Variants in PLEKHM1 observed in about 807,000 individuals in gnomAD.
PLEKHM1 encodes pleckstrin homology domain-containing family M member 1.
In PLEKHM1, 28 loss-of-function variants were observed where a neutral mutation model predicts 94.3. That is an observed-to-expected ratio of 0.30 (90% CI 0.22 to 0.41). The LOEUF (loss-of-function observed/expected upper bound fraction) is 0.41, where lower values mean the gene tolerates loss of function less well. PLEKHM1 is among the 10% of genes least tolerant of loss of function. The pLI, the probability that PLEKHM1 is intolerant of heterozygous loss-of-function variation, is 1.00. For missense variants in PLEKHM1, 907 were observed against 1,358.6 expected (o/e 0.67, Z 5.22); for synonymous variants, 424 against 581.2 (o/e 0.73, Z 3.89).
In PLEKHM1 at chr17:45,468,400, C is replaced by T. The variant is rs752861593; in HGVS notation, c.1117G>A (p.Val373Met). The change falls in exon 5 of 12, where the codon GTG becomes ATG. Residue 373 changes from valine (V) to methionine (M), a missense_variant. By Grantham distance (21) the Val-to-Met change is conservative. Around this residue, in one of 3 missense-constraint regions of PLEKHM1, gnomAD observed 477 missense variants for 601.5 expected, o/e 0.79. Transcript: ENST00000430334. ...AASGTQDGVH[V>M]QEPRPQAPSP... Reference sequence around the variant, plus strand: ...GGCGCCTGGGGACGCGGCTCCTGCACGTGGACACCATCTTGAGTTCCAGAG... The same window carrying T: ...GGCGCCTGGGGACGCGGCTCCTGCATGTGGACACCATCTTGAGTTCCAGAG... The T allele has an allele frequency of 3.0e-5, 48 of 1,614,084 alleles. No homozygotes were observed. The highest frequency in any genetic ancestry group is 3.7e-5 in the Non-Finnish European group (44 of 1,180,032).
At chr17:45,487,643 C>G in intron 1 of PLEKHM1, 9 of 453,304 alleles carry the variant, frequency 2.0e-5, no homozygotes, top group South Asian at 1.4e-4. Context: ...CTGCATTATA[C>G]TGCCTGGCCT....
In PLEKHM1 at chr17:45,437,697, G is replaced by C. The variant is rs1406527602; in HGVS notation, c.*161C>G. ...CAGGGGACACCACGGGGACTTCCTG[G>C]GCTTTCTCTGGGAGGCCGGTGCTCT... is the stretch of plus-strand genomic sequence containing the variant. On this transcript the variant is annotated 3_prime_UTR_variant, in exon 12 of 12. Coordinates refer to ENST00000430334, the MANE Select transcript of PLEKHM1 (RefSeq NM_014798.3). This position sits in a 1 kb window ranked among gnomAD's most constrained non-coding sequence, Gnocchi z 4.0. 7.0e-6 allele frequency: 5 copies of C among 712,922 alleles called. No individual in the cohort carries two copies. The highest frequency in any genetic ancestry group is 1.3e-5 in the Non-Finnish European group (5 of 394,870). The allele number at this position is 712,922 out of a possible 1,614,324, so 44.2% of individuals were successfully genotyped here. A position where few individuals can be genotyped will look rare whatever the true frequency, so the allele number is the denominator to read the frequency against.
At chr17:45,489,830 C>T (rs773953449) in intron 1 of PLEKHM1, among the ~76,000 whole-genome samples, 1 of 152,064 alleles carries the variant, frequency 6.6e-6, no homozygotes, top group Non-Finnish European at 1.5e-5. Flanking sequence ...AAGCAATGGA[C>T]GCAGAGTTGG....
At chr17:45,481,442 T>C (rs1161364115) in intron 2 of PLEKHM1, among the ~76,000 whole-genome samples, 3 of 150,848 alleles carry the variant, frequency 2.0e-5, no homozygotes, top group Non-Finnish European at 4.4e-5. Context: ...AAAAGCAAGA[T>C]GTTATTTGTA....
At chr17:45,440,308 C>A in intron 9 of PLEKHM1, 82 bp from the exon 10 acceptor site, 2 of 1,365,776 alleles carry the variant, frequency 1.5e-6, no homozygotes, top group East Asian at 2.3e-5. Flanking sequence ...ACTCCCCTGG[C>A]GCTGCTCACC....
At chr17:45,487,411 G>A (rs946837898) in intron 1 of PLEKHM1, among the ~76,000 whole-genome samples, 76 of 152,164 alleles carry the variant, frequency 5.0e-4, no homozygotes, top group African/African-American at 1.8e-3. Flanking sequence ...AAGGCCTCAG[G>A]TCTTTGGCTC....
At chr17:45,451,900 G>C (rs566081256) in intron 7 of PLEKHM1, among the ~76,000 whole-genome samples, 2 of 152,236 alleles carry the variant, frequency 1.3e-5, no homozygotes, top group East Asian at 1.9e-4. Context: ...TGGGGCAGGC[G>C]GGGGAGAGGT....
chr17:45,438,023 T>C (rs1364099858), intron 11 of PLEKHM1, 54 bp from the exon 12 acceptor site: 6 of 1,319,302 alleles, frequency 4.5e-6, no homozygotes, highest in East Asian at 2.3e-5. Context: ...GGTTGCCCTG[T>C]GGCCACGCTG....
intron 9 of PLEKHM1, among the ~76,000 whole-genome samples, chr17:45,443,444 C>A (rs905134092): frequency 6.6e-6 from 1 of 152,240 alleles, no homozygotes; most frequent in African/African-American, 2.4e-5. Flanking sequence ...CTTTCCCCTG[C>A]CCCATGCTGT....
chr17:45,486,829 G>A (rs1194371804), intron 1 of PLEKHM1, among the ~76,000 whole-genome samples: 1 of 152,168 alleles, frequency 6.6e-6, no homozygotes, highest in African/African-American at 2.4e-5. Flanking sequence ...CATGCTCAGG[G>A]AGGCAGGGCT....
intron 1 of PLEKHM1, 125 bp downstream of exon 1, chr17:45,490,527 G>T (rs916996375): frequency 3.8e-5 from 14 of 371,480 alleles, no homozygotes; most frequent in South Asian, 2.0e-4. Context: ...GGGCCCTGAA[G>T]CCGGGCAGTC....
chr17:45,440,079 A>T, intron 10 of PLEKHM1, 84 bp downstream of exon 10: 1 of 1,265,082 alleles, frequency 7.9e-7, no homozygotes, highest in Non-Finnish European at 1.2e-6. Context: ...AACTACAGAC[A>T]CCCCCTCTTC....
chr17:45,486,528 T>C (rs62065442), intron 1 of PLEKHM1, among the ~76,000 whole-genome samples: 20,435 of 151,464 alleles, frequency 0.13, 1,661 homozygotes, highest in Middle Eastern at 0.21. Flanking sequence ...GAGCCAAGAT[T>C]GTGCCACTGC....
In PLEKHM1 at chr17:45,453,997, G is replaced by A. The variant is rs2050863782; in HGVS notation, c.1855C>T (p.Arg619Trp). The change falls in exon 7 of 12, where the codon CGG becomes TGG. Residue 619 changes from arginine (R) to tryptophan (W), a missense_variant. Around this residue, in one of 3 missense-constraint regions of PLEKHM1, gnomAD observed 477 missense variants for 601.5 expected, o/e 0.79. Coordinates refer to ENST00000430334, the MANE Select transcript of PLEKHM1 (RefSeq NM_014798.3). The surrounding 1 kb of genome is among the most constrained non-coding windows in gnomAD (Gnocchi z 4.1). ...SQDEAEDWLDRVREALQKVRP... is the reference protein window; with the variant it reads ...SQDEAEDWLDWVREALQKVRP... ...ACCTTCTGCAGGGCCTCCCGCACCC[G>A]GTCCAGCCAGTCCTCAGCTTCGTCC... is the stretch of plus-strand genomic sequence containing the variant. 6.8e-6 allele frequency: 11 copies of A among 1,614,030 alleles called. No homozygotes were observed. Among genetic ancestry groups the A allele is most frequent in the South Asian group, 2.2e-5 (2 of 91,088 alleles).
In PLEKHM1 at chr17:45,468,681, G is replaced by A. The variant is rs965731809; in HGVS notation, c.924-88C>T. 9 of 1,335,792 alleles carry A rather than the reference G, an allele frequency of 6.7e-6. No homozygotes were observed. The Admixed American group carries it at 8.5e-5, about 13-fold the overall frequency. The allele number at this position is 1,335,792 out of a possible 1,614,324, so 82.7% of individuals were successfully genotyped here. A position where few individuals can be genotyped will look rare whatever the true frequency, so the allele number is the denominator to read the frequency against. ...GGGGCAGAGGGAAGAATGCAAAACT[G>A]CTGTTTTATGATTTAAAACAACCCA... On this transcript the variant is annotated intron_variant, in intron 4 of 11. Coordinates refer to ENST00000430334, the MANE Select transcript of PLEKHM1 (RefSeq NM_014798.3).
Position 45,453,320 on chromosome 17 carries a change from G to A in PLEKHM1, c.2497+35C>T, listed in dbSNP as rs1323125200. The A allele has an allele frequency of 6.2e-7, 1 of 1,600,142 alleles. No individual in the cohort carries two copies. The highest frequency in any genetic ancestry group is 2.3e-5 in the East Asian group (1 of 43,760). On this transcript the variant is annotated intron_variant, in intron 7 of 11. Transcript: ENST00000430334. This position sits in a 1 kb window ranked among gnomAD's most constrained non-coding sequence, Gnocchi z 4.1. ...AACCAGCAGGAGGTGGAGTGAGGCTGGCAGGCTGGGGGTGGCAGCAGAGCA... is the reference window on the plus strand; with the variant it reads ...AACCAGCAGGAGGTGGAGTGAGGCTAGCAGGCTGGGGGTGGCAGCAGAGCA...
chr17:45,471,056 C>CTGTATA (rs2051494024), intron 4 of PLEKHM1, among the ~76,000 whole-genome samples: 1 of 151,960 alleles, frequency 6.6e-6, no homozygotes. Context: ...ACAGAAGGGC[C>CTGTATA]TATTATCCAG....
chr17:45,482,254 C>T (rs2051976163), intron 2 of PLEKHM1, among the ~76,000 whole-genome samples, 183 bp downstream of exon 2: 1 of 146,524 alleles, frequency 6.8e-6, no homozygotes, highest in African/African-American at 2.6e-5. Context: ...TTTCATAAAT[C>T]TCCATCTTAT....
rs147167801 is a variant in PLEKHM1, at chr17:45,475,424, G to A, written c.599C>T (p.Pro200Leu). ...LTPLALSGLCPLSELDPLSTS... is the reference protein window; with the variant it reads ...LTPLALSGLCLLSELDPLSTS... ...AGAGAGAGGGTCCAGCTCAGAAAGC[G>A]GGCAAAGCCCAGACAGGGCCAATGG... Residue 200 changes from proline to leucine, a missense_variant, in exon 4 of 12, where the codon CCG becomes CTG. Physicochemically the swap from Pro to Leu is moderately conservative, Grantham distance 98. Transcript: ENST00000430334. 20 of 1,611,960 alleles carry A rather than the reference G, an allele frequency of 1.2e-5. No individual in the cohort carries two copies. The highest frequency in any genetic ancestry group is 5.0e-5 in the Admixed American group (3 of 59,934).
Sources: gnomAD v4.1 joint callset for allele counts (sites outside exome capture counted in the v4.1 genomes callset) on GRCh38, gnomAD v4.1.1 for gene constraint, gnomAD v4.1.1 regional missense constraint, Gnocchi (gnomAD v3.1) non-coding constraint, MANE v1.5 for transcripts, NCBI Gene and HGNC (gene_info 2026-07-23, HGNC 2026-07-21) for gene names.